Variants in GPD2 observed in about 807,000 individuals in gnomAD.
GPD2 encodes glycerol-3-phosphate dehydrogenase 2, also known as glycerol-3-phosphate dehydrogenase, mitochondrial.
A neutral mutation model predicts 82.4 loss-of-function variants in GPD2; 54 were observed. The observed-to-expected ratio is 0.66, with a 90% CI of 0.53 to 0.82. GPD2 has a LOEUF of 0.82. GPD2 is among the 40% of genes least tolerant of loss of function. The pLI is 0.00. For missense variants in GPD2, 748 were observed against 896.2 expected (o/e 0.83, Z 2.11); for synonymous variants, 288 against 306.1 (o/e 0.94, Z 0.62).
At chr2:156,489,016 C>G (rs1684050188) in intron 2 of GPD2, among the ~76,000 whole-genome samples, 2 of 152,080 alleles carry the variant, frequency 1.3e-5, no homozygotes, top group African/African-American at 4.8e-5. Context: ...GTGTGTTGGG[C>G]TCTCCTCTTT....
chr2:156,527,449 A>G (rs964582945), intron 6 of GPD2, among the ~76,000 whole-genome samples: 2 of 152,088 alleles, frequency 1.3e-5, no homozygotes, highest in Non-Finnish European at 2.9e-5. Context: ...AGATCATTAT[A>G]TCCACTCAAG....
intron 6 of GPD2, among the ~76,000 whole-genome samples, chr2:156,545,860 A>C (rs1686511551): frequency 6.6e-6 from 1 of 152,178 alleles, no homozygotes; most frequent in Non-Finnish European, 1.5e-5. Context: ...CTGTCTCCAA[A>C]ATATTTATAT....
At chr2:156,509,474 A>C (rs1189551945) in intron 3 of GPD2, among the ~76,000 whole-genome samples, 1 of 152,292 alleles carries the variant, frequency 6.6e-6, no homozygotes, top group Admixed American at 6.5e-5. Flanking sequence ...ACTGGATTCT[A>C]TGACATTCTT....
chr2:156,579,122 GA>G lies in GPD2; in HGVS notation c.1920del (p.Gly641AlafsTer12), dbSNP rs552388605. ...GATTTCATAAGTTTGATGCAGACCA[GA>G]AAGGCTTTATTACCATTGTTGATGT... ...KRFHKFDADQ[K>X]GFITIVDVQR... On this transcript the variant is annotated frameshift_variant, in exon 15 of 17. Coordinates refer to ENST00000438166, the MANE Select transcript of GPD2 (RefSeq NM_000408.5). LOFTEE classifies it high-confidence loss of function. 1.3e-3 allele frequency: 2,140 copies of G among 1,609,658 alleles called. 2 individuals carry two copies. The highest frequency in any genetic ancestry group is 1.7e-3 in the Non-Finnish European group (2,015 of 1,176,314).
the GPD2 span, among the ~76,000 whole-genome samples, chr2:156,409,761 G>T: frequency 6.6e-6 from 1 of 152,122 alleles, no homozygotes; most frequent in African/African-American, 2.4e-5. Flanking sequence ...TTAGGAGAGA[G>T]GACCTATATT....
Position 156,527,101 on chromosome 2 carries a change from T to C in GPD2, c.661+13605T>C, listed in dbSNP as rs1470704690. Among the ~76,000 whole-genome samples the C allele has an allele frequency of 2.0e-5, 3 of 152,118 alleles. No homozygotes were observed. In the East Asian group the frequency reaches 5.8e-4, roughly 29 times the overall value. On this transcript the variant is annotated intron_variant, in intron 6 of 16. Coordinates refer to ENST00000438166, the MANE Select transcript of GPD2 (RefSeq NM_000408.5). ...AATAATTAAATCAATTTTGGAGTTA[T>C]TCTGCAGATGACACACAGCAGCTTT...
At chr2:156,497,262 A>G (rs1398367870) in intron 3 of GPD2, among the ~76,000 whole-genome samples, 1 of 152,212 alleles carries the variant, frequency 6.6e-6, no homozygotes, top group Non-Finnish European at 1.5e-5. Flanking sequence ...TGAGAGTTAC[A>G]TGTTAATCAT....
intron 6 of GPD2, among the ~76,000 whole-genome samples, chr2:156,521,239 G>A (rs1242363870): frequency 6.6e-6 from 1 of 152,130 alleles, no homozygotes; most frequent in Non-Finnish European, 1.5e-5. Context: ...GAAAAATAAT[G>A]TTGAAAATGG....
intron 3 of GPD2, among the ~76,000 whole-genome samples, chr2:156,510,274 C>G (rs1684948544): frequency 6.6e-6 from 1 of 151,968 alleles, no homozygotes; most frequent in Admixed American, 6.6e-5. Flanking sequence ...CTATCTCTCC[C>G]CATTGTATAT....
At chr2:156,495,909 ACT>A (rs750930576) in intron 2 of GPD2, 133 bp from the exon 3 acceptor site, 86 of 681,156 alleles carry the variant, frequency 1.3e-4, no homozygotes, top group Non-Finnish European at 2.1e-4. Flanking sequence ...TGGTCCTATA[ACT>A]CTATGTGGAC....
chr2:156,575,371 T>C (rs1434922305), intron 13 of GPD2, among the ~76,000 whole-genome samples: 1 of 151,412 alleles, frequency 6.6e-6, no homozygotes, highest in East Asian at 1.9e-4. Context: ...CAAAATCATT[T>C]CAGATATATC....
intron 3 of GPD2, among the ~76,000 whole-genome samples, 160 bp from the exon 4 acceptor site, chr2:156,510,636 C>G (rs554820449): frequency 6.6e-6 from 1 of 152,310 alleles, no homozygotes; most frequent in Non-Finnish European, 1.5e-5. Context: ...CCTAAAATCT[C>G]TTCATTATAA....
chr2:156,440,373 A>G (rs1682126112), intron 1 of GPD2, among the ~76,000 whole-genome samples: 1 of 152,236 alleles, frequency 6.6e-6, no homozygotes, highest in African/African-American at 2.4e-5. Context: ...AGGAACATTT[A>G]AGAAAAAGAA....
At chr2:156,566,498 T>C (rs1039590207) in intron 9 of GPD2, among the ~76,000 whole-genome samples, 1 of 152,156 alleles carries the variant, frequency 6.6e-6, no homozygotes, top group African/African-American at 2.4e-5. Context: ...GACTGGATTA[T>C]TTATTTAGCA....
intron 2 of GPD2, among the ~76,000 whole-genome samples, chr2:156,480,022 T>C (rs1683665405): frequency 6.6e-6 from 1 of 152,152 alleles, no homozygotes; most frequent in African/African-American, 2.4e-5. Context: ...TTAGATCAAG[T>C]TGATTGTGAT....
intron 1 of GPD2, among the ~76,000 whole-genome samples, chr2:156,474,669 C>A (rs555564885): frequency 6.6e-6 from 1 of 152,104 alleles, no homozygotes; most frequent in South Asian, 2.1e-4. Flanking sequence ...ATGGAATTTT[C>A]ATTTTTATGC....
chr2:156,450,546 A>AC (rs1422035539), intron 1 of GPD2, among the ~76,000 whole-genome samples: 1 of 152,176 alleles, frequency 6.6e-6, no homozygotes, highest in Non-Finnish European at 1.5e-5. Flanking sequence ...TATAGAGATT[A>AC]CATTTGGTGA....
chr2:156,523,814 G>A (rs1685508293), intron 6 of GPD2, among the ~76,000 whole-genome samples: 2 of 152,158 alleles, frequency 1.3e-5, no homozygotes, highest in African/African-American at 4.8e-5. Context: ...GAAGTGCTGG[G>A]ATTCCAGGCA....
At chr2:156,444,720 TAC>T (rs397789170) in intron 1 of GPD2, among the ~76,000 whole-genome samples, 79 of 150,188 alleles carry the variant, frequency 5.3e-4, no homozygotes, top group African/African-American at 1.6e-3. Context: ...CAAAAACAAA[TAC>T]ACACACACAC....
Sources: allele counts gnomAD v4.1 joint callset (sites outside exome capture counted in the v4.1 genomes callset), GRCh38; gene constraint gnomAD v4.1.1; transcripts MANE v1.5; gene names NCBI Gene and HGNC (gene_info 2026-07-23, HGNC 2026-07-21).